Variants in TENM2 observed in about 807,000 individuals in gnomAD.
The protein encoded by TENM2 is teneurin-2.
Under a neutral mutation model 245.2 loss-of-function variants are expected in TENM2, and 52 were observed. The observed-to-expected ratio is 0.21, with a 90% CI of 0.17 to 0.27. The LOEUF (loss-of-function observed/expected upper bound fraction) is 0.27. Ranked by LOEUF, TENM2 falls within the 10% of genes least tolerant of loss-of-function variation. TENM2 has a pLI of 1.00. For missense variants in TENM2, 3,046 were observed against 3,666.8 expected, an observed-to-expected ratio of 0.83 and a Z score of 4.37; for synonymous variants, 1,363 against 1,438.9, an observed-to-expected ratio of 0.95 and a Z score of 1.19.
chr5:167,258,270 T>C, the TENM2 span, among the ~76,000 whole-genome samples: 1 of 149,428 alleles, frequency 6.7e-6, no homozygotes, highest in African/African-American at 2.4e-5. Flanking sequence ...GCAGTGTCCA[T>C]ATCAGATAGG....
At chr5:167,159,879 G>A in the TENM2 span, among the ~76,000 whole-genome samples, 1 of 152,132 alleles carries the variant, frequency 6.6e-6, no homozygotes, top group Admixed American at 6.5e-5. Context: ...AGAGTAGAGA[G>A]GGCATTCTTT....
chr5:167,162,278 A>G, the TENM2 span, among the ~76,000 whole-genome samples: 1 of 152,228 alleles, frequency 6.6e-6, no homozygotes, highest in Non-Finnish European at 1.5e-5. Flanking sequence ...AGAATATGTT[A>G]TATTCTCAAA....
At chr5:168,008,023 G>A (rs1784954663) in intron 5 of TENM2, among the ~76,000 whole-genome samples, 1 of 152,002 alleles carries the variant, frequency 6.6e-6, no homozygotes, top group Non-Finnish European at 1.5e-5. Flanking sequence ...TATTATTATT[G>A]TTCTTTGTGT....
At chr5:167,123,480 C>A in the TENM2 span, among the ~76,000 whole-genome samples, 2 of 152,138 alleles carry the variant, frequency 1.3e-5, no homozygotes, top group Admixed American at 1.3e-4. Flanking sequence ...TCTGTTGACC[C>A]ATGATCTTAA....
intron 12 of TENM2, among the ~76,000 whole-genome samples, chr5:168,148,869 T>TG (rs1224204778): frequency 6.2e-5 from 9 of 146,016 alleles, no homozygotes; most frequent in Admixed American, 5.6e-4. Flanking sequence ...AATATAAATA[T>TG]ATATGATAGA....
chr5:167,134,864 C>A, the TENM2 span, among the ~76,000 whole-genome samples: 1 of 152,100 alleles, frequency 6.6e-6, no homozygotes, highest in Non-Finnish European at 1.5e-5. Context: ...CTTTAAAACA[C>A]CCACACAAAA....
At chr5:167,372,398 G>A (rs541777959) in intron 1 of TENM2, among the ~76,000 whole-genome samples, 1 of 152,270 alleles carries the variant, frequency 6.6e-6, no homozygotes, top group South Asian at 2.1e-4. Flanking sequence ...TAAAGAAGGG[G>A]CACTGTGTGT....
rs563603196 is a variant in TENM2 at position 168,023,170 on chromosome 5, T to C, written c.1187-24257T>C. The stretch of plus-strand genomic sequence containing the variant: ...CTGTAATCTTGCCTTTGTTTAGAAA[T>C]ATGAACTTCGAAACCCTGCTGCAGA... On this transcript the variant is annotated intron_variant, in intron 5 of 28. Transcript: ENST00000518659. Among the ~76,000 whole-genome samples, 19 of 152,302 alleles carry C rather than the reference T, an allele frequency of 1.2e-4. No homozygotes were observed. In the East Asian group the frequency reaches 3.7e-3, roughly 29 times the overall value.
rs925269069 is a variant in TENM2 at position 167,866,486 on chromosome 5, A to T, written c.503-9500A>T. On this transcript the variant is annotated intron_variant, in intron 2 of 28. Transcript: ENST00000518659. ...GCACTCCAGCCTGGGTGACACAGTG[A>T]GACTCCATCTCAAAAAAAAAAAAAA... Among the ~76,000 whole-genome samples, 8 of 145,300 alleles carry T rather than the reference A, an allele frequency of 5.5e-5. No homozygotes were observed. In the East Asian group the frequency reaches 7.9e-4, roughly 14 times the overall value.
At chr5:167,379,401 G>A (rs1001012905) in intron 2 of TENM2, among the ~76,000 whole-genome samples, 1 of 152,040 alleles carries the variant, frequency 6.6e-6, no homozygotes, top group African/African-American at 2.4e-5. Context: ...TAGCACCGGG[G>A]ACAATGTCCT....
At chr5:167,124,026 C>A in the TENM2 span, among the ~76,000 whole-genome samples, 3 of 152,150 alleles carry the variant, frequency 2.0e-5, no homozygotes, top group Non-Finnish European at 4.4e-5. Flanking sequence ...CTGCATCTTC[C>A]TGTATGACAC....
chr5:167,302,559 G>A (rs1337620032), intron 1 of TENM2, among the ~76,000 whole-genome samples: 5 of 150,816 alleles, frequency 3.3e-5, no homozygotes, highest in Admixed American at 6.6e-5. Context: ...ATAAGAGGTC[G>A]GGGCGTGGAA....
chr5:167,133,979 C>A, the TENM2 span, among the ~76,000 whole-genome samples: 2 of 152,164 alleles, frequency 1.3e-5, no homozygotes, highest in Admixed American at 1.3e-4. Flanking sequence ...TCCAAAACCT[C>A]TATAGAGTGT....
intron 2 of TENM2, among the ~76,000 whole-genome samples, chr5:167,859,411 C>T (rs1241990341): frequency 1.4e-5 from 2 of 144,296 alleles, no homozygotes; most frequent in South Asian, 2.2e-4. Flanking sequence ...GGCCAGCCGC[C>T]CCGTCCGGGA....
At chr5:168,036,373 A>G (rs1325644411) in intron 5 of TENM2, among the ~76,000 whole-genome samples, 1 of 152,126 alleles carries the variant, frequency 6.6e-6, no homozygotes, top group Non-Finnish European at 1.5e-5. Context: ...GTGGTGGCTC[A>G]CGCCTGTAAT....
exon 5 of TENM2, chr5:167,993,077 G>A: frequency 6.2e-7 from 1 of 1,613,982 alleles, no homozygotes; most frequent in South Asian, 1.1e-5. Flanking sequence ...CTCCAGGAAG[G>A]CTTTCAAGCT....
In TENM2 at chr5:167,623,256, A is replaced by G. The variant is rs545103429; in HGVS notation, c.502+247783A>G. ...GTTTTATTTTCTAATACTAGGTTCT[A>G]TCTATTATTATTTCCGTTGTCCTGT... On this transcript the variant is annotated intron_variant, in intron 2 of 28. Transcript: ENST00000518659. Among the ~76,000 whole-genome samples the G allele has an allele frequency of 9.1e-4, 138 of 152,260 alleles. 2 individuals carry two copies. The highest frequency in any genetic ancestry group is 3.2e-3 in the African/African-American group (134 of 41,562).
At chr5:167,729,186 C>T (rs968084140) in intron 2 of TENM2, 2 of 152,302 alleles carry the variant, frequency 1.3e-5, no homozygotes, top group African/African-American at 4.8e-5. Context: ...TTTCTCCCTT[C>T]CTCTCCCACA....
At chr5:167,587,023 C>G (rs1775549985) in intron 2 of TENM2, among the ~76,000 whole-genome samples, 1 of 152,072 alleles carries the variant, frequency 6.6e-6, no homozygotes, top group Non-Finnish European at 1.5e-5. Flanking sequence ...TTGCCTTTAC[C>G]CTAATGGCCT....
Sources: allele counts gnomAD v4.1 joint callset (sites outside exome capture counted in the v4.1 genomes callset), GRCh38; gene constraint gnomAD v4.1.1; transcripts MANE v1.5; gene names NCBI Gene and HGNC (gene_info 2026-07-23, HGNC 2026-07-21).